Variants in USP6 observed in about 807,000 individuals in gnomAD.
USP6 encodes ubiquitin specific peptidase 6.
Under a neutral mutation model 175.7 loss-of-function variants are expected in USP6, and 128 were observed. The observed-to-expected ratio is 0.73, with a 90% CI of 0.63 to 0.84. The LOEUF (loss-of-function observed/expected upper bound fraction) is 0.84. Among genes scored for constraint, USP6 ranks in the 40% least tolerant of loss-of-function variants. USP6 has a pLI of 0.00. For synonymous variants in USP6, 562 were observed against 630.6 expected, an observed-to-expected ratio of 0.89 and a Z score of 1.63; for missense variants, 1,498 against 1,760.3, an observed-to-expected ratio of 0.85 and a Z score of 2.67.
chr17:5,148,449 C>T, intron 29 of USP6, 107 bp from the exon 30 acceptor site: 3 of 1,267,240 alleles, frequency 2.4e-6, no homozygotes, highest in Non-Finnish European at 2.2e-6. Flanking sequence ...TTCTCCCTGC[C>T]CTGTGTTAAG....
chr17:5,133,585 C>G, intron 14 of USP6, 35 bp downstream of exon 14: 1 of 1,553,536 alleles, frequency 6.4e-7, no homozygotes, highest in Non-Finnish European at 8.8e-7. Context: ...ACAGGACAGG[C>G]CGTGTCAGGG....
chr17:5,126,831 C>T (rs1567773285), intron 6 of USP6: 1 of 152,314 alleles, frequency 6.6e-6, no homozygotes, highest in Non-Finnish European at 1.5e-5. Flanking sequence ...TGGTCCCCCA[C>T]CTCCCAGCAC....
Position 5,146,102 on chromosome 17 carries a change from A to G in USP6, c.2247A>G (p.Lys749=), listed in dbSNP as rs758217871. ...NMDEKYTGLK[K]QLRDLCGLNS... is the part of the protein sequence containing the mutation. ...ATGAAAAGTACACAGGTTTAAAAAA[A>G]CAGCTGAGGGATCTCTGTGGACTTA... The change falls in exon 28 of 38, where the codon AAA becomes AAG. Residue 749 remains lysine (K), a synonymous_variant. Transcript: ENST00000574788. 1.2e-6 allele frequency: 2 copies of G among 1,613,324 alleles called. No individual in the cohort carries two copies. The highest frequency in any genetic ancestry group is 2.2e-5 in the East Asian group (1 of 44,808).
Position 5,174,216 on chromosome 17 carries a change from T to C in USP6, c.*1238T>C, listed in dbSNP as rs2074281419. ...ATTATTTAAGATTGGAACAAAAGTA[T>C]AAATATTATTTATTTGAGGTAGAAT... On this transcript the variant is annotated 3_prime_UTR_variant, in exon 38 of 38. Transcript: ENST00000574788. 5.2e-6 allele frequency: 1 copy of C among 191,452 alleles called. No individual in the cohort carries two copies. Among genetic ancestry groups the C allele is most frequent in the South Asian group, 1.9e-4 (1 of 5,174 alleles). The allele number at this position is 191,452 out of a possible 1,614,324, so 11.9% of individuals were successfully genotyped here.
chr17:5,163,531 C>A (rs1187608771), intron 33 of USP6, among the ~76,000 whole-genome samples: 1 of 152,162 alleles, frequency 6.6e-6, no homozygotes. Flanking sequence ...GTGACCGAAA[C>A]ACCTCCTACT....
In USP6 at chr17:5,144,808, C is replaced by A. The variant is rs1218177131; in HGVS notation, c.1937C>A (p.Pro646Gln). ...GATCTCAACCGAGTCCATGAAAAGC[C>A]ATATGTGGAACTGAAGGACAGTGAT... is the stretch of plus-strand genomic sequence containing the variant. ...HEDLNRVHEKPYVELKDSDGR... is the reference protein window; with the variant it reads ...HEDLNRVHEKQYVELKDSDGR... The change falls in exon 26 of 38, where the codon CCA becomes CAA. Residue 646 changes from proline (P) to glutamine (Q), a missense_variant. Physicochemically the swap from Pro to Gln is moderately conservative, Grantham distance 76. This residue lies in a region of USP6 where 1,217 missense variants were observed against 1,500.8 expected (regional missense o/e 0.81). Transcript: ENST00000574788. 6.2e-7 allele frequency: 1 copy of A among 1,613,130 alleles called. No homozygotes were observed. Among genetic ancestry groups the A allele is most frequent in the Non-Finnish European group, 8.5e-7 (1 of 1,179,400 alleles).
At chr17:5,163,824 A>G (rs2074050824) in intron 33 of USP6, among the ~76,000 whole-genome samples, 1 of 152,200 alleles carries the variant, frequency 6.6e-6, no homozygotes, top group Non-Finnish European at 1.5e-5. Flanking sequence ...CAGAACAGTT[A>G]GAGAAAGGAT....
At chr17:5,157,333 G>A (rs1442148566) in intron 31 of USP6, among the ~76,000 whole-genome samples, 4 of 152,046 alleles carry the variant, frequency 2.6e-5, no homozygotes, top group Non-Finnish European at 4.4e-5. Flanking sequence ...TGATCTGCCC[G>A]CCTCAGTCTC....
intron 5 of USP6, among the ~76,000 whole-genome samples, 131 bp from the exon 6 acceptor site, chr17:5,125,662 GCACACACACGCACATGCACACACACACA>G (rs2072864340): frequency 7.8e-6 from 1 of 129,018 alleles, no homozygotes; most frequent in Non-Finnish European, 1.6e-5. Flanking sequence ...ACACAAACAC[GCACACACACGCACATGCACACACACACA>G]CACACACACA....
rs1005405112 is a variant in USP6 at position 5,132,619 on chromosome 17, T to C, written c.195+184T>C. On this transcript the variant is annotated intron_variant, in intron 12 of 37. Coordinates refer to ENST00000574788, the MANE Select transcript of USP6 (RefSeq NM_001304284.2). This position sits in a 1 kb window ranked among gnomAD's most constrained non-coding sequence, Gnocchi z 4.7. ...TTGGCAGTTTGATAAAATTCCAAAG[T>C]GAGAACCACAGTCCTGGCTTGGGGG... Among the ~76,000 whole-genome samples, 2 of 152,132 alleles carry C rather than the reference T, an allele frequency of 1.3e-5. No homozygotes were observed. The highest frequency in any genetic ancestry group is 6.5e-5 in the Admixed American group (1 of 15,278).
chr17:5,118,063 C>T (rs535401879), intron 1 of USP6, 137 bp from the exon 2 acceptor site: 45 of 143,504 alleles, frequency 3.1e-4, no homozygotes, highest in African/African-American at 1.1e-3. Flanking sequence ...AGTGGGACTC[C>T]GTCTCAAAAA....
At chr17:5,137,018 C>T (rs1167332303) in intron 18 of USP6, 103 bp from the exon 19 acceptor site, 20 of 1,328,136 alleles carry the variant, frequency 1.5e-5, no homozygotes, top group South Asian at 8.2e-5. Context: ...TTCTGGACAC[C>T]GCCCAGTGTT....
At position 5,116,189 on chromosome 17, in the gene USP6, A is replaced by T. The variant is rs1567762482; in HGVS notation, c.-2479A>T. On this transcript the variant is annotated 5_prime_UTR_variant, in exon 1 of 38. Transcript: ENST00000574788. ...GCTGTCCCCGCTCCAACTAGCAGTC[A>T]GGAGGGGCCGCGGGCAGCGCTCGAG... is the stretch of plus-strand genomic sequence containing the variant. Among the ~76,000 whole-genome samples, 1 of 149,536 alleles carries T rather than the reference A, an allele frequency of 6.7e-6. No individual in the cohort carries two copies. Among genetic ancestry groups the T allele is most frequent in the South Asian group, 2.1e-4 (1 of 4,780 alleles).
intron 31 of USP6, among the ~76,000 whole-genome samples, chr17:5,160,252 C>T (rs1463361702): frequency 1.3e-5 from 2 of 152,182 alleles, no homozygotes; most frequent in Non-Finnish European, 1.5e-5. Context: ...ATGTGATTCT[C>T]ACTTTTGCCC....
intron 22 of USP6, among the ~76,000 whole-genome samples, chr17:5,140,544 G>A (rs1274828304): frequency 6.6e-6 from 1 of 152,180 alleles, no homozygotes. Context: ...CTGCACTCCA[G>A]CCTGGGTGAC....
At chr17:5,125,496 C>A (rs774023532) in intron 5 of USP6, among the ~76,000 whole-genome samples, 1 of 151,974 alleles carries the variant, frequency 6.6e-6, no homozygotes, top group Non-Finnish European at 1.5e-5. Context: ...AGTTTACATG[C>A]TACAAAAAAT....
At chr17:5,143,154 C>T (rs879889095) in intron 25 of USP6, among the ~76,000 whole-genome samples, 2 of 152,232 alleles carry the variant, frequency 1.3e-5, no homozygotes, top group Non-Finnish European at 2.9e-5. Context: ...CCCTGCCCGG[C>T]CAGCCGCCCC....
At position 5,172,335 on chromosome 17, in the gene USP6, T is replaced by G. The variant is rs562872578; in HGVS notation, c.4048-470T>G. On this transcript the variant is annotated intron_variant, in intron 37 of 37. Transcript: ENST00000574788. ...TCATGAGGTCAGGAGATAGAGGCCA[T>G]CCTGGCTAATATGGTGAAACCCCAT... Among the ~76,000 whole-genome samples the G allele has an allele frequency of 3.3e-5, 5 of 151,610 alleles. No homozygotes were observed. In the East Asian group the frequency reaches 9.8e-4, roughly 30 times the overall value.
intron 21 of USP6, among the ~76,000 whole-genome samples, chr17:5,138,580 C>T (rs1219199497): frequency 6.6e-6 from 1 of 152,106 alleles, no homozygotes; most frequent in Non-Finnish European, 1.5e-5. Context: ...CTAGATGAGC[C>T]AGACCCATTT....
Sources: allele counts gnomAD v4.1 joint callset (sites outside exome capture counted in the v4.1 genomes callset), GRCh38; gene constraint gnomAD v4.1.1; regional missense constraint gnomAD v4.1.1; non-coding constraint Gnocchi (gnomAD v3.1); transcripts MANE v1.5; gene names NCBI Gene and HGNC (gene_info 2026-07-23, HGNC 2026-07-21).